Variants in ITGB5 observed in about 807,000 individuals in gnomAD.
The protein encoded by ITGB5 is integrin subunit beta 5.
A neutral mutation model predicts 84.8 loss-of-function variants in ITGB5; 38 were observed. The ratio of observed to expected loss-of-function variants is 0.45; its 90% CI spans 0.35 to 0.59. The LOEUF is 0.59. ITGB5 is among the 20% of genes least tolerant of loss of function. The pLI is 0.01. For missense variants in ITGB5, 905 were observed against 1,034.5 expected (o/e 0.87, Z 1.72); for synonymous variants, 393 against 414.4 (o/e 0.95, Z 0.63).
At chr3:124,849,516 A>G (rs1406104289) in intron 3 of ITGB5, among the ~76,000 whole-genome samples, 2 of 152,346 alleles carry the variant, frequency 1.3e-5, no homozygotes, top group East Asian at 1.9e-4. Context: ...GTTTTGGGAC[A>G]TCACAGGCAC....
intron 8 of ITGB5, among the ~76,000 whole-genome samples, chr3:124,816,290 T>C (rs993346901): frequency 6.6e-6 from 1 of 152,188 alleles, no homozygotes; most frequent in Non-Finnish European, 1.5e-5. Context: ...CATTGGAAGA[T>C]GGACAAGGCC....
intron 1 of ITGB5, among the ~76,000 whole-genome samples, chr3:124,875,850 G>T (rs1040806317): frequency 2.6e-5 from 4 of 152,186 alleles, no homozygotes; most frequent in African/African-American, 9.6e-5. Context: ...CTGTCATTTG[G>T]GACAACATGG....
intron 1 of ITGB5, among the ~76,000 whole-genome samples, chr3:124,900,041 C>A (rs1001320766): frequency 6.6e-6 from 1 of 152,064 alleles, no homozygotes; most frequent in Non-Finnish European, 1.5e-5. Context: ...GACGATGAAG[C>A]CTGTGTTTCA....
intron 10 of ITGB5, among the ~76,000 whole-genome samples, chr3:124,795,229 C>T (rs1444713939): frequency 4.1e-5 from 6 of 147,080 alleles, no homozygotes; most frequent in Non-Finnish European, 7.4e-5. Flanking sequence ...CAGTGGCTCA[C>T]GTCTATAATC....
chr3:124,814,678 T>C (rs1342832156), intron 8 of ITGB5, among the ~76,000 whole-genome samples: 2 of 152,094 alleles, frequency 1.3e-5, no homozygotes, highest in African/African-American at 2.4e-5. Context: ...ACTCCTGGCC[T>C]CAAGTGATCC....
chr3:124,781,234 C>T (rs983797724), intron 10 of ITGB5: 1 of 152,186 alleles, frequency 6.6e-6, no homozygotes. Context: ...CATACATAAG[C>T]TTCCAAGGAC....
chr3:124,844,637 C>T (rs984405915), intron 4 of ITGB5, among the ~76,000 whole-genome samples: 6 of 152,198 alleles, frequency 3.9e-5, no homozygotes, highest in African/African-American at 1.4e-4. Flanking sequence ...TGAGGCCCTA[C>T]AGGCTTGGAG....
At chr3:124,817,138 T>C (rs61761667) in intron 8 of ITGB5, among the ~76,000 whole-genome samples, 2 of 152,144 alleles carry the variant, frequency 1.3e-5, no homozygotes, top group Non-Finnish European at 2.9e-5. Context: ...TACCCTGAGC[T>C]CCATGAGCCT....
intron 9 of ITGB5, among the ~76,000 whole-genome samples, chr3:124,803,975 A>G (rs2064356218): frequency 6.6e-6 from 1 of 152,174 alleles, no homozygotes; most frequent in African/African-American, 2.4e-5. Flanking sequence ...GCAATTAGTG[A>G]CCACAGACCA....
intron 8 of ITGB5, among the ~76,000 whole-genome samples, chr3:124,810,609 GAATAATAAT>G (rs63222260): frequency 6.9e-6 from 1 of 145,750 alleles, no homozygotes; most frequent in Non-Finnish European, 1.5e-5. Flanking sequence ...AAAAAATTAA[GAATAATAAT>G]AATAATAATA....
chr3:124,874,578 G>C (rs1934221491), intron 1 of ITGB5, among the ~76,000 whole-genome samples: 1 of 152,106 alleles, frequency 6.6e-6, no homozygotes, highest in Admixed American at 6.6e-5. Flanking sequence ...CAAAGATGGA[G>C]GCATTGTGTT....
intron 2 of ITGB5, among the ~76,000 whole-genome samples, chr3:124,869,655 G>C (rs2065446599): frequency 6.6e-6 from 1 of 152,158 alleles, no homozygotes; most frequent in Admixed American, 6.5e-5. Context: ...CTGGGGAAAA[G>C]TCACCCCCAA....
At chr3:124,798,962 A>G (rs961735198) in intron 9 of ITGB5, among the ~76,000 whole-genome samples, 1 of 152,194 alleles carries the variant, frequency 6.6e-6, no homozygotes, top group Admixed American at 6.5e-5. Flanking sequence ...GACAACAGAC[A>G]CCCAGGACTC....
At chr3:124,795,990 A>G (rs1244472030) in intron 10 of ITGB5, among the ~76,000 whole-genome samples, 2 of 152,214 alleles carry the variant, frequency 1.3e-5, no homozygotes, top group Admixed American at 6.5e-5. Flanking sequence ...GGGAGCAGCA[A>G]TAAGATATGA....
At chr3:124,889,935 C>A (rs922558782), upstream of ITGB5, among the ~76,000 whole-genome samples, 5 of 152,012 alleles carry the variant, frequency 3.3e-5, no homozygotes, top group African/African-American at 1.2e-4. Flanking sequence ...TCGCTTGAAT[C>A]CAGGAGGTAG....
chr3:124,873,107 G>A (rs1422894196), intron 2 of ITGB5, among the ~76,000 whole-genome samples: 1 of 152,148 alleles, frequency 6.6e-6, no homozygotes, highest in African/African-American at 2.4e-5. Context: ...GAATCATTAT[G>A]CAACAAACTC....
chr3:124,845,570 CAGG>C (rs1425240383), intron 4 of ITGB5, among the ~76,000 whole-genome samples: 1 of 152,230 alleles, frequency 6.6e-6, no homozygotes, highest in African/African-American at 2.4e-5. Flanking sequence ...TACTCACTGT[CAGG>C]AGTTTTACTG....
At chr3:124,775,383 T>C (rs971431177) in intron 10 of ITGB5, among the ~76,000 whole-genome samples, 3 of 151,684 alleles carry the variant, frequency 2.0e-5, no homozygotes, top group African/African-American at 4.8e-5. Flanking sequence ...TCTGTGTGTG[T>C]TGGAGTGTGT....
chr3:124,788,246 C>G (rs150721367), intron 10 of ITGB5, among the ~76,000 whole-genome samples: 206 of 152,294 alleles, frequency 1.4e-3, no homozygotes, highest in African/African-American at 4.9e-3. Context: ...GGTAGGGCCC[C>G]TGCAAGGAGC....
Sources: gnomAD v4.1 joint callset for allele counts (sites outside exome capture counted in the v4.1 genomes callset) on GRCh38, gnomAD v4.1.1 for gene constraint, MANE v1.5 for transcripts, NCBI Gene and HGNC (gene_info 2026-07-23, HGNC 2026-07-21) for gene names.